The following VAMP5 variants were observed in gnomAD, a reference collection of about 807,000 sequenced individuals.
The protein encoded by VAMP5 is vesicle-associated membrane protein 5.
Under a neutral mutation model 8.1 loss-of-function variants are expected in VAMP5, and 10 were observed. The observed-to-expected ratio is 1.23, with a 90% CI of 0.76 to 2.09. The LOEUF is 2.09. VAMP5 is among the 30% of genes most tolerant of loss of function. The pLI is 0.00. For missense variants in VAMP5, 135 were observed against 152.5 expected, an observed-to-expected ratio of 0.89 and a Z score of 0.60; for synonymous variants, 62 against 60.6, an observed-to-expected ratio of 1.02 and a Z score of -0.11.
In VAMP5 at chr2:85,593,214, G is replaced by A; in HGVS notation, c.*57G>A. On this transcript the variant is annotated 3_prime_UTR_variant, in exon 3 of 3. Coordinates refer to ENST00000306384, the MANE Select transcript of VAMP5 (RefSeq NM_006634.3). ...CTGCACTGGCCGATTCTGGTCTCCA[G>A]AGGACCTTGGTGTTTGCTCTCCCTT... The A allele has an allele frequency of 6.3e-7, 1 of 1,590,468 alleles. No homozygotes were observed. The highest frequency in any genetic ancestry group is 8.6e-7 in the Non-Finnish European group (1 of 1,166,272).
chr2:85,587,280 C>G (rs1053734744), intron 1 of VAMP5, among the ~76,000 whole-genome samples: 4 of 148,898 alleles, frequency 2.7e-5, no homozygotes, highest in South Asian at 4.2e-4. Context: ...TTTTTTGAGA[C>G]AGAATCTCGC....
rs886131423 is a variant in VAMP5, at chr2:85,593,364, A to T, written c.*207A>T. 11 of 610,150 alleles carry T rather than the reference A, an allele frequency of 1.8e-5. No individual in the cohort carries two copies. The highest frequency in any genetic ancestry group is 3.2e-5 in the Non-Finnish European group (11 of 346,822). 37.8% of individuals were successfully genotyped at this position (610,150 alleles called of 1,614,324 possible). ...GCCATGCTGGGCCAGCCCCACCTGG[A>T]GCTCAGTAAAAACTGCTGTTTGATT... On this transcript the variant is annotated 3_prime_UTR_variant, in exon 3 of 3. Coordinates refer to ENST00000306384, the MANE Select transcript of VAMP5 (RefSeq NM_006634.3).
intron 1 of VAMP5, among the ~76,000 whole-genome samples, chr2:85,590,639 G>A (rs1460355549): frequency 4.6e-5 from 7 of 152,226 alleles, no homozygotes; most frequent in East Asian, 1.9e-4. Flanking sequence ...AATGGGTGAC[G>A]TGGGCTGGCA....
intron 1 of VAMP5, among the ~76,000 whole-genome samples, chr2:85,589,611 T>A (rs1468652796): frequency 6.6e-6 from 1 of 152,228 alleles, no homozygotes; most frequent in Non-Finnish European, 1.5e-5. Flanking sequence ...TTTTCGAGTA[T>A]TTATCCATTC....
At chr2:85,586,903 G>A (rs1343169677) in intron 1 of VAMP5, among the ~76,000 whole-genome samples, 1 of 151,924 alleles carries the variant, frequency 6.6e-6, no homozygotes, top group Non-Finnish European at 1.5e-5. Flanking sequence ...GTGAAACCCT[G>A]TCTCTACTAA....
intron 1 of VAMP5, among the ~76,000 whole-genome samples, chr2:85,587,445 G>C (rs1405143102): frequency 6.6e-6 from 1 of 151,504 alleles, no homozygotes; most frequent in African/African-American, 2.4e-5. Flanking sequence ...GTAGAGACAG[G>C]GCTTCACCAT....
At chr2:85,584,986 C>T (rs1672444692) in intron 1 of VAMP5, among the ~76,000 whole-genome samples, 1 of 152,236 alleles carries the variant, frequency 6.6e-6, no homozygotes, top group Admixed American at 6.5e-5. Context: ...ACGACCTCGT[C>T]AGCCCTTTCC....
Position 85,593,277 on chromosome 2 carries a change from T to A in VAMP5, c.*120T>A, listed in dbSNP as rs1672577199. On this transcript the variant is annotated 3_prime_UTR_variant, in exon 3 of 3. Coordinates refer to ENST00000306384, the MANE Select transcript of VAMP5 (RefSeq NM_006634.3). Reference sequence around the variant, plus strand: ...TGAGTGCCAAAGGGCAGCCCCAACATGTGCACCCCTGCATTTCCTGTCATG... The same window carrying A: ...TGAGTGCCAAAGGGCAGCCCCAACAAGTGCACCCCTGCATTTCCTGTCATG... 9.7e-7 allele frequency: 1 copy of A among 1,031,238 alleles called. No homozygotes were observed. The highest frequency in any genetic ancestry group is 1.4e-6 in the Non-Finnish European group (1 of 693,824). 63.9% of individuals were successfully genotyped at this position (1,031,238 alleles called of 1,614,324 possible).
chr2:85,589,665 T>A (rs1239074494), intron 1 of VAMP5, among the ~76,000 whole-genome samples: 3 of 152,218 alleles, frequency 2.0e-5, no homozygotes, highest in Non-Finnish European at 4.4e-5. Context: ...TTTTGTTTTG[T>A]TTTGTTTGCT....
chr2:85,592,846 CAGG>C (rs1255533081), intron 2 of VAMP5, 99 bp from the exon 3 acceptor site: 9 of 1,090,120 alleles, frequency 8.3e-6, no homozygotes, highest in Non-Finnish European at 1.1e-5. Context: ...GGGGAGGATG[CAGG>C]AGGAGACTAA....
Position 85,593,010 on chromosome 2 carries a change from T to C in VAMP5, c.204T>C (p.Arg68=). ...LAQKKCWENI[R]YRICVGLVVV... Reference sequence around the variant, plus strand: ...AGAAGAAGTGCTGGGAGAACATCCGTTACCGGATCTGCGTGGGGCTGGTGG... The same window carrying C: ...AGAAGAAGTGCTGGGAGAACATCCGCTACCGGATCTGCGTGGGGCTGGTGG... Residue 68 remains arginine (R), a synonymous_variant, in exon 3 of 3, where the codon CGT becomes CGC. Transcript: ENST00000306384. 1 of 1,614,156 alleles carries C rather than the reference T, an allele frequency of 6.2e-7. No homozygotes were observed. The highest frequency in any genetic ancestry group is 2.2e-5 in the East Asian group (1 of 44,884).
At chr2:85,589,432 T>C (rs538335983) in intron 1 of VAMP5, among the ~76,000 whole-genome samples, 29 of 152,278 alleles carry the variant, frequency 1.9e-4, no homozygotes, top group African/African-American at 4.1e-4. Flanking sequence ...TGGCTTCGCA[T>C]TGGGGGAGAC....
At chr2:85,587,228 C>T (rs895692944) in intron 1 of VAMP5, among the ~76,000 whole-genome samples, 4 of 151,644 alleles carry the variant, frequency 2.6e-5, no homozygotes, top group African/African-American at 9.7e-5. Flanking sequence ...TTTTATAAAA[C>T]GAAGAGGTTT....
intron 1 of VAMP5, among the ~76,000 whole-genome samples, chr2:85,589,508 G>T (rs1365733066): frequency 6.6e-6 from 1 of 152,154 alleles, no homozygotes; most frequent in African/African-American, 2.4e-5. Context: ...ATCACCCCTT[G>T]TTGAAAAATA....
chr2:85,593,007 C>T lies in VAMP5; in HGVS notation c.201C>T (p.Ile67=). The part of the protein sequence containing the change: ...NLAQKKCWEN[I]RYRICVGLVV... ...CCCAGAAGAAGTGCTGGGAGAACAT[C>T]CGTTACCGGATCTGCGTGGGGCTGG... Residue 67 remains isoleucine (I), a synonymous_variant, in exon 3 of 3, where the codon ATC becomes ATT. Transcript: ENST00000306384. 6 of 1,614,152 alleles carry T rather than the reference C, an allele frequency of 3.7e-6. No homozygotes were observed. The highest frequency in any genetic ancestry group is 5.1e-6 in the Non-Finnish European group (6 of 1,180,028).
At position 85,593,093 on chromosome 2, in the gene VAMP5, G is replaced by A. The variant is rs748731337; in HGVS notation, c.287G>A (p.Ser96Asn). ...IVLLVVFLPQ[S>N]SDSSSAPRTQ... ...CTGCTGGTCGTCTTTCTCCCTCAGAGCAGTGACAGCAGTAGTGCCCCACGG... is the reference window on the plus strand; with the variant it reads ...CTGCTGGTCGTCTTTCTCCCTCAGAACAGTGACAGCAGTAGTGCCCCACGG... Residue 96 changes from serine (S) to asparagine (N), a missense_variant, in exon 3 of 3, where the codon AGC (serine) becomes AAC (asparagine). Coordinates refer to ENST00000306384, the MANE Select transcript of VAMP5 (RefSeq NM_006634.3). 4 of 1,614,122 alleles carry A rather than the reference G, an allele frequency of 2.5e-6. No homozygotes were observed. The East Asian group carries it at 6.7e-5, about 27-fold the overall frequency.
intron 1 of VAMP5, among the ~76,000 whole-genome samples, chr2:85,585,080 GGT>G (rs1226346053): frequency 2.6e-5 from 4 of 152,234 alleles, no homozygotes; most frequent in African/African-American, 9.6e-5. Flanking sequence ...CCCATGGCAG[GGT>G]GTTGGAGGGC....
chr2:85,587,648 T>G (rs1573349744), intron 1 of VAMP5, among the ~76,000 whole-genome samples: 1 of 152,126 alleles, frequency 6.6e-6, no homozygotes, highest in Non-Finnish European at 1.5e-5. Flanking sequence ...TTATTGAGCA[T>G]TTAGTATGTG....
chr2:85,589,344 CT>C (rs2104048116), intron 1 of VAMP5, among the ~76,000 whole-genome samples: 1 of 152,280 alleles, frequency 6.6e-6, no homozygotes, highest in East Asian at 1.9e-4. Context: ...GGGCCCGAGA[CT>C]TGAGTCTAAG....
Sources: gnomAD v4.1 joint callset for allele counts (sites outside exome capture counted in the v4.1 genomes callset) on GRCh38, gnomAD v4.1.1 for gene constraint, MANE v1.5 for transcripts, NCBI Gene and HGNC (gene_info 2026-07-23, HGNC 2026-07-21) for gene names.